The following FSD2 variants were observed in gnomAD, a reference collection of about 807,000 sequenced individuals.
The protein encoded by FSD2 is fibronectin type III and SPRY domain containing 2.
Under a neutral mutation model 80.4 loss-of-function variants are expected in FSD2, and 71 were observed. That is an observed-to-expected ratio of 0.88 (90% CI 0.73 to 1.08). FSD2 has a LOEUF of 1.08. Among genes scored for constraint, FSD2 ranks in the 50% least tolerant of loss-of-function variants. FSD2 has a pLI of 0.00. For missense variants in FSD2, 923 were observed against 913.8 expected (o/e 1.01, Z -0.13); for synonymous variants, 361 against 329.5 (o/e 1.10, Z -1.03).
At chr15:82,800,019 G>T (rs1290722111) in intron 1 of FSD2, among the ~76,000 whole-genome samples, 1 of 152,058 alleles carries the variant, frequency 6.6e-6, no homozygotes, top group Non-Finnish European at 1.5e-5. Flanking sequence ...TGCCCTCCCT[G>T]GACATTCCTG....
Position 82,769,823 on chromosome 15 carries a change from C to T in FSD2, c.1329G>A (p.Gln443=), listed in dbSNP as rs1156975728. The change falls in exon 8 of 13, where the codon CAG becomes CAA. Residue 443 remains glutamine, a synonymous_variant. Transcript: ENST00000334574. ...CSVTNLVPNT[Q]YEFWVTAHNR... Reference sequence around the variant, plus strand: ...TGTGAGCTGTGACCCAAAATTCATACTGGGTATTTGGCACAAGGTTTGTCA... The same window carrying T: ...TGTGAGCTGTGACCCAAAATTCATATTGGGTATTTGGCACAAGGTTTGTCA... 6.2e-7 allele frequency: 1 copy of T among 1,613,894 alleles called. No homozygotes were observed. Among genetic ancestry groups the T allele is most frequent in the South Asian group, 1.1e-5 (1 of 91,082 alleles).
chr15:82,799,325 C>T (rs1385112383), intron 1 of FSD2, among the ~76,000 whole-genome samples: 4 of 152,184 alleles, frequency 2.6e-5, no homozygotes, highest in Admixed American at 6.5e-5. Flanking sequence ...GGGATTTCCC[C>T]TAGGCCACTG....
chr15:82,782,094 AT>A (rs2049875199), intron 4 of FSD2, among the ~76,000 whole-genome samples: 2 of 139,486 alleles, frequency 1.4e-5, no homozygotes, highest in Admixed American at 7.3e-5. Context: ...AATAATAATA[AT>A]AATAATAATA....
In FSD2 at chr15:82,762,168, C is replaced by T. The variant is rs372172201; in HGVS notation, c.1931G>A (p.Arg644His). ...ATTTGCTCCCAGATCCTCCTGTTTA[C>T]GGACATCTGCAAAGGCCACACCAAC... is the stretch of plus-strand genomic sequence containing the variant. ...YRVGVAFADV[R>H]KQEDLGANCL... The change falls in exon 12 of 13, where the codon CGT (arginine) becomes CAT (histidine). Residue 644 changes from arginine to histidine, a missense_variant. By Grantham distance (29) the Arg-to-His change is conservative (BLOSUM62 0). Coordinates refer to ENST00000334574, the MANE Select transcript of FSD2 (RefSeq NM_001007122.4). The T allele has an allele frequency of 8.1e-6, 13 of 1,612,996 alleles. No individual in the cohort carries two copies. Among genetic ancestry groups the T allele is most frequent in the East Asian group, 4.5e-5 (2 of 44,830 alleles).
intron 6 of FSD2, among the ~76,000 whole-genome samples, chr15:82,777,574 G>A (rs929174315): frequency 1.3e-5 from 2 of 152,154 alleles, no homozygotes; most frequent in African/African-American, 4.8e-5. Flanking sequence ...GGCCGACCGC[G>A]GTGGCTCAGG....
chr15:82,761,132 CATA>C (rs1282219342), intron 12 of FSD2, among the ~76,000 whole-genome samples: 1 of 152,114 alleles, frequency 6.6e-6, no homozygotes, highest in Non-Finnish European at 1.5e-5. Flanking sequence ...GGGCATGACA[CATA>C]ATGTGTAAAT....
chr15:82,805,096 T>C (rs1242899398), intron 1 of FSD2, among the ~76,000 whole-genome samples: 4 of 151,644 alleles, frequency 2.6e-5, no homozygotes, highest in Non-Finnish European at 5.9e-5. Flanking sequence ...AAGGCTTATA[T>C]GGGAGGTGTA....
At chr15:82,791,732 C>T (rs569041106) in intron 1 of FSD2, among the ~76,000 whole-genome samples, 82 of 152,276 alleles carry the variant, frequency 5.4e-4, no homozygotes, top group African/African-American at 1.9e-3. Flanking sequence ...GCTATCACCA[C>T]CAGCATTCCC....
chr15:82,765,212 T>A lies in FSD2; in HGVS notation c.1774A>T (p.Arg592Ter), dbSNP rs755066796. The change falls in exon 11 of 13, where the codon AGA becomes TGA. Residue 592 changes from arginine to a stop codon, truncating the protein, a stop_gained. Coordinates refer to ENST00000334574, the MANE Select transcript of FSD2 (RefSeq NM_001007122.4). LOFTEE classifies it high-confidence loss of function. Reference sequence around the variant, plus strand: ...GGTGACAGCTCCCTGGCGGGGGTTCTCCTTTCACTTCGTACAGCCGTAAGT... The same window carrying A: ...GGTGACAGCTCCCTGGCGGGGGTTCACCTTTCACTTCGTACAGCCGTAAGT... ...DGLTAVRSER[R>*]TPARELSPSD... 1 of 1,608,760 alleles carries A rather than the reference T, an allele frequency of 6.2e-7. No individual in the cohort carries two copies. The highest frequency in any genetic ancestry group is 1.7e-5 in the Admixed American group (1 of 59,230).
chr15:82,797,143 C>A (rs1387129790), intron 1 of FSD2, among the ~76,000 whole-genome samples: 2 of 151,796 alleles, frequency 1.3e-5, no homozygotes, highest in Non-Finnish European at 2.9e-5. Context: ...TGTTTTCAAG[C>A]TAAGTGGTTT....
intron 1 of FSD2, among the ~76,000 whole-genome samples, chr15:82,790,929 A>G (rs2050134478): frequency 1.3e-5 from 2 of 151,420 alleles, no homozygotes; most frequent in Admixed American, 1.3e-4. Context: ...TTATCGAGGT[A>G]TAATTCATAT....
chr15:82,771,834 T>G (rs1373813103), intron 7 of FSD2, among the ~76,000 whole-genome samples: 2 of 152,360 alleles, frequency 1.3e-5, no homozygotes, highest in African/African-American at 4.8e-5. Context: ...GGGACAACTC[T>G]GACCCAATGG....
At chr15:82,772,534 C>G (rs1051368282) in intron 6 of FSD2, among the ~76,000 whole-genome samples, 2 of 152,152 alleles carry the variant, frequency 1.3e-5, no homozygotes, top group Non-Finnish European at 2.9e-5. Flanking sequence ...CTGGCCCTTC[C>G]GTGGCACCTA....
intron 11 of FSD2, 148 bp from the exon 12 acceptor site, chr15:82,762,426 T>C: frequency 1.5e-6 from 1 of 653,776 alleles, no homozygotes. Flanking sequence ...TAAAGTACCC[T>C]TAGCTCTCAA....
At chr15:82,782,693 G>A in intron 4 of FSD2, 102 bp downstream of exon 4, 1 of 957,790 alleles carries the variant, frequency 1.0e-6, no homozygotes, top group South Asian at 1.6e-5. Flanking sequence ...CCTCCAGGAG[G>A]AAAGAGGACA....
chr15:82,771,593 G>A (rs1025739377), intron 7 of FSD2, among the ~76,000 whole-genome samples: 2 of 152,212 alleles, frequency 1.3e-5, no homozygotes, highest in African/African-American at 2.4e-5. Context: ...TCCTGGGAAC[G>A]TGGAGCTGAT....
intron 1 of FSD2, among the ~76,000 whole-genome samples, chr15:82,803,117 G>A (rs963942018): frequency 3.3e-5 from 5 of 152,052 alleles, no homozygotes; most frequent in Non-Finnish European, 7.4e-5. Context: ...TCTCAGAGAC[G>A]CTGCTTTCCC....
chr15:82,791,749 C>T (rs2050156829), intron 1 of FSD2, among the ~76,000 whole-genome samples: 1 of 152,176 alleles, frequency 6.6e-6, no homozygotes, highest in Non-Finnish European at 1.5e-5. Context: ...TCCCCCATCT[C>T]CCCTATCCTA....
At chr15:82,804,127 G>A (rs2050475837) in intron 1 of FSD2, among the ~76,000 whole-genome samples, 1 of 152,042 alleles carries the variant, frequency 6.6e-6, no homozygotes, top group Non-Finnish European at 1.5e-5. Context: ...GTCACTCATG[G>A]AGAGTGACCA....
Sources: allele counts gnomAD v4.1 joint callset (sites outside exome capture counted in the v4.1 genomes callset), GRCh38; gene constraint gnomAD v4.1.1; transcripts MANE v1.5; gene names NCBI Gene and HGNC (gene_info 2026-07-23, HGNC 2026-07-21).